CNTLN: variants seen among roughly 807,000 people sequenced by gnomAD.
CNTLN encodes centlein.
CNTLN carries 212 observed loss-of-function variants against 180.0 expected under a neutral mutation model. The ratio of observed to expected loss-of-function variants is 1.18; its 90% CI spans 1.05 to 1.32. The LOEUF is 1.32. CNTLN is among the 40% of genes most tolerant of loss of function. The pLI is 0.00. For missense variants in CNTLN, 2,095 were observed against 1,610.9 expected (o/e 1.30, Z -5.14); for synonymous variants, 722 against 563.1 (o/e 1.28, Z -3.99).
At chr9:17,452,170 C>CT (rs1386560133) in intron 18 of CNTLN, among the ~76,000 whole-genome samples, 1 of 152,148 alleles carries the variant, frequency 6.6e-6, no homozygotes, top group Non-Finnish European at 1.5e-5. Flanking sequence ...ATTTTCTCAG[C>CT]TTTTTTTCTA....
Position 17,444,748 on chromosome 9 carries a change from A to T in CNTLN, c.3115-12776A>T, listed in dbSNP as rs542776618. The stretch of plus-strand genomic sequence containing the variant: ...TTTATTTGACTTTATTTATTGAGTG[A>T]CCTACTTTGTTAGGTCAAGCCTTTT... On this transcript the variant is annotated intron_variant, in intron 18 of 25. Coordinates refer to ENST00000380647, the MANE Select transcript of CNTLN (RefSeq NM_017738.4). Among the ~76,000 whole-genome samples the T allele has an allele frequency of 3.2e-4, 48 of 152,326 alleles. No homozygotes were observed. In the South Asian group the frequency reaches 8.3e-3, roughly 26 times the overall value.
intron 6 of CNTLN, among the ~76,000 whole-genome samples, chr9:17,290,301 GC>G (rs1829287343): frequency 6.6e-6 from 1 of 151,724 alleles, no homozygotes; most frequent in African/African-American, 2.4e-5. Context: ...GCTGGGGGGT[GC>G]CTCCCAGTTA....
intron 12 of CNTLN, among the ~76,000 whole-genome samples, chr9:17,346,661 T>C (rs1199609179): frequency 6.6e-6 from 1 of 152,216 alleles, no homozygotes; most frequent in African/African-American, 2.4e-5. Context: ...TTTCCTTTTC[T>C]TTACTCTTCA....
At chr9:17,258,525 G>A (rs10962952) in intron 5 of CNTLN, among the ~76,000 whole-genome samples, 7,091 of 151,176 alleles carry the variant, frequency 0.047, 258 homozygotes, top group South Asian at 0.15. Flanking sequence ...AAAGTCATTG[G>A]TAGATTTATG....
At chr9:17,137,329 A>G (rs1033482678) in intron 1 of CNTLN, among the ~76,000 whole-genome samples, 3 of 152,210 alleles carry the variant, frequency 2.0e-5, no homozygotes, top group African/African-American at 7.2e-5. Context: ...TTGGGGAAAA[A>G]TAGTAATTGA....
At chr9:17,359,744 A>AAAAAAAAAAAAAAAAAAAAAC (rs1823191298) in intron 12 of CNTLN, among the ~76,000 whole-genome samples, 2 of 50,204 alleles carry the variant, frequency 4.0e-5, no homozygotes, top group Non-Finnish European at 1.1e-4. Context: ...AAAAAAAAAA[A>AAAAAAAAAAAAAAAAAAAAAC]AAAAAACTAG....
At chr9:17,220,674 G>A (rs1351062501) in intron 2 of CNTLN, among the ~76,000 whole-genome samples, 3 of 152,244 alleles carry the variant, frequency 2.0e-5, no homozygotes, top group East Asian at 1.9e-4. Context: ...GCTTATAGGC[G>A]AGAACATGTT....
chr9:17,151,058 G>A (rs71638959), intron 2 of CNTLN, among the ~76,000 whole-genome samples: 1 of 152,220 alleles, frequency 6.6e-6, no homozygotes, highest in East Asian at 1.9e-4. Context: ...TGAGACCATG[G>A]GGTTTTCTAA....
At chr9:17,388,575 A>G (rs918728964) in intron 14 of CNTLN, among the ~76,000 whole-genome samples, 11 of 152,168 alleles carry the variant, frequency 7.2e-5, no homozygotes, top group Non-Finnish European at 1.0e-4. Flanking sequence ...GTATATTTTA[A>G]TAAGACTGCT....
chr9:17,144,987 G>T (rs1818354919), intron 2 of CNTLN, among the ~76,000 whole-genome samples: 2 of 150,720 alleles, frequency 1.3e-5, no homozygotes, highest in Admixed American at 6.6e-5. Context: ...GACTACAGGC[G>T]CCCGCCACCG....
At chr9:17,317,746 C>T (rs1363465016) in intron 8 of CNTLN, among the ~76,000 whole-genome samples, 4 of 152,078 alleles carry the variant, frequency 2.6e-5, no homozygotes, top group Non-Finnish European at 5.9e-5. Context: ...GCATTCTAAA[C>T]AGAGAGAACA....
intron 5 of CNTLN, among the ~76,000 whole-genome samples, chr9:17,254,460 G>GT (rs543680682): frequency 0.018 from 2,513 of 143,278 alleles, 67 homozygotes; most frequent in African/African-American, 0.056. Context: ...CCATTTGGAG[G>GT]TTTTTTTTTT....
chr9:17,376,067 G>A (rs1169592470), intron 13 of CNTLN, among the ~76,000 whole-genome samples: 1 of 152,114 alleles, frequency 6.6e-6, no homozygotes, highest in Non-Finnish European at 1.5e-5. Flanking sequence ...TCAGGTTACT[G>A]GTGACTTGTT....
chr9:17,193,261 C>T (rs1821906790), intron 2 of CNTLN, among the ~76,000 whole-genome samples: 1 of 152,098 alleles, frequency 6.6e-6, no homozygotes, highest in African/African-American at 2.4e-5. Flanking sequence ...CCCAACAGTC[C>T]CCCAAAGTCT....
chr9:17,312,356 T>TA (rs1490977371), intron 8 of CNTLN, among the ~76,000 whole-genome samples: 2 of 14,830 alleles, frequency 1.3e-4, no homozygotes, highest in Non-Finnish European at 2.2e-4. Flanking sequence ...TATATATATA[T>TA]ATATATATTA....
intron 25 of CNTLN, among the ~76,000 whole-genome samples, chr9:17,493,028 T>A (rs1190003796): frequency 6.6e-6 from 1 of 152,060 alleles, no homozygotes; most frequent in Non-Finnish European, 1.5e-5. Context: ...ATTAGTTAAG[T>A]TCATAGAGAC....
chr9:17,266,618 G>A (rs1001474189), intron 5 of CNTLN, among the ~76,000 whole-genome samples: 8 of 152,096 alleles, frequency 5.3e-5, no homozygotes, highest in Non-Finnish European at 1.2e-4. Flanking sequence ...TCGTTGATCT[G>A]TTTAGTGTTG....
chr9:17,271,190 C>G (rs1000997065), intron 5 of CNTLN, among the ~76,000 whole-genome samples: 1 of 152,202 alleles, frequency 6.6e-6, no homozygotes, highest in East Asian at 1.9e-4. Flanking sequence ...ATCTGCCCAC[C>G]TCAGCCTCCC....
intron 18 of CNTLN, among the ~76,000 whole-genome samples, chr9:17,443,101 G>A (rs1830202764): frequency 6.6e-6 from 1 of 151,776 alleles, no homozygotes; most frequent in Admixed American, 6.5e-5. Flanking sequence ...TTTGAAATCA[G>A]GAAGAATACT....
Sources: gnomAD v4.1 joint callset for allele counts (sites outside exome capture counted in the v4.1 genomes callset) on GRCh38, gnomAD v4.1.1 for gene constraint, MANE v1.5 for transcripts, NCBI Gene and HGNC (gene_info 2026-07-23, HGNC 2026-07-21) for gene names.